Variants in DCDC1 observed in about 807,000 individuals in gnomAD.
DCDC1 encodes doublecortin domain containing 1, also known as doublecortin domain-containing protein 1.
A neutral mutation model predicts 178.3 loss-of-function variants in DCDC1; 200 were observed. The observed-to-expected ratio is 1.12, with a 90% CI of 1.00 to 1.26. The LOEUF is 1.26. DCDC1 is among the 50% of genes most tolerant of loss of function. The pLI is 0.00. For synonymous variants in DCDC1, 690 were observed against 604.8 expected (o/e 1.14, Z -2.07); for missense variants, 1,983 against 1,749.2 (o/e 1.13, Z -2.38).
chr11:31,333,471 C>T (rs1481799721), intron 2 of DCDC1, among the ~76,000 whole-genome samples: 1 of 152,158 alleles, frequency 6.6e-6, no homozygotes, highest in Admixed American at 6.5e-5. Flanking sequence ...TTCTTCCTAG[C>T]ATCAGTGGTC....
At chr11:30,920,339 A>T (rs1946156734) in intron 25 of DCDC1, among the ~76,000 whole-genome samples, 1 of 152,216 alleles carries the variant, frequency 6.6e-6, no homozygotes, top group South Asian at 2.1e-4. Flanking sequence ...AGTTTAACTT[A>T]GAGGGGAATT....
intron 1 of DCDC1, among the ~76,000 whole-genome samples, chr11:31,345,461 C>A (rs907575651): frequency 6.6e-6 from 1 of 152,074 alleles, no homozygotes. Flanking sequence ...TATTCACATG[C>A]ATCCTGTTGT....
chr11:31,298,684 T>G (rs1289447144), intron 6 of DCDC1, among the ~76,000 whole-genome samples: 1 of 152,230 alleles, frequency 6.6e-6, no homozygotes, highest in Non-Finnish European at 1.5e-5. Context: ...GCTTTTCTGT[T>G]AAAAGGTCTA....
intron 20 of DCDC1, among the ~76,000 whole-genome samples, chr11:30,954,414 C>G (rs1375044630): frequency 6.6e-6 from 1 of 152,078 alleles, no homozygotes; most frequent in Non-Finnish European, 1.5e-5. Context: ...TATATCTTTG[C>G]AGAACATGGG....
intron 20 of DCDC1, among the ~76,000 whole-genome samples, chr11:31,029,967 G>A (rs1187962800): frequency 3.3e-5 from 5 of 151,820 alleles, no homozygotes; most frequent in African/African-American, 1.2e-4. Context: ...CATGTAAGAT[G>A]ATAATTTTCA....
chr11:31,148,727 C>A (rs1293981953), intron 9 of DCDC1, among the ~76,000 whole-genome samples: 1 of 151,562 alleles, frequency 6.6e-6, no homozygotes, highest in Non-Finnish European at 1.5e-5. Flanking sequence ...TTCACGGTCT[C>A]TTTGATCCAG....
rs565275053 is a variant in DCDC1, at chr11:30,903,411, A to G, written c.4510+71T>C. On this transcript the variant is annotated intron_variant, in intron 32 of 38. Transcript: ENST00000684477. ...AATTCTGAAAAAACTGACTAAATGA[A>G]ATAATCATGTTTAACGTTTTCATGA... is the stretch of plus-strand genomic sequence containing the variant. 1,062 of 1,315,712 alleles carry G rather than the reference A, an allele frequency of 8.1e-4. 1 individual carries two copies. Among genetic ancestry groups the G allele is most frequent in the Middle Eastern group, 1.1e-3 (4 of 3,628 alleles). The allele number at this position is 1,315,712 out of a possible 1,614,324, so 81.5% of individuals were successfully genotyped here. A position where few individuals can be genotyped will look rare whatever the true frequency, so the allele number is the denominator to read the frequency against.
chr11:30,915,773 G>A, intron 26 of DCDC1, 62 bp from the exon 27 acceptor site: 1 of 1,515,510 alleles, frequency 6.6e-7, no homozygotes, highest in East Asian at 2.4e-5. Context: ...TCATGCACTT[G>A]ATGTGCTGGA....
At chr11:31,062,954 ACCCCACAACAGT>A (rs1956029695) in intron 20 of DCDC1, among the ~76,000 whole-genome samples, 1 of 61,992 alleles carries the variant, frequency 1.6e-5, no homozygotes, top group African/African-American at 6.5e-5. Context: ...CCCTCCCCCC[ACCCCACAACAGT>A]CCCCAGAGTG....
intron 20 of DCDC1, among the ~76,000 whole-genome samples, chr11:31,022,022 TC>T (rs1952908455): frequency 6.6e-6 from 1 of 152,278 alleles, no homozygotes; most frequent in South Asian, 2.1e-4. Context: ...ACTCATTCTT[TC>T]CCTTGCTAAT....
chr11:30,939,286 T>A (rs1947484533), intron 21 of DCDC1, among the ~76,000 whole-genome samples: 2 of 152,250 alleles, frequency 1.3e-5, no homozygotes, highest in South Asian at 4.1e-4. Context: ...GCCACCTAAA[T>A]TGGTTGGGAC....
intron 3 of DCDC1, among the ~76,000 whole-genome samples, chr11:31,311,017 T>G (rs991004715): frequency 6.6e-6 from 1 of 152,196 alleles, no homozygotes; most frequent in Non-Finnish European, 1.5e-5. Context: ...CTCTTCTTCA[T>G]ACATCATTAT....
intron 8 of DCDC1, among the ~76,000 whole-genome samples, chr11:31,257,195 T>A (rs2137036857): frequency 6.6e-6 from 1 of 152,292 alleles, no homozygotes; most frequent in African/African-American, 2.4e-5. Context: ...AAGCATTACA[T>A]CTGCTGCCTT....
At chr11:31,279,725 A>C (rs1428734443) in intron 7 of DCDC1, among the ~76,000 whole-genome samples, 1 of 152,048 alleles carries the variant, frequency 6.6e-6, no homozygotes, top group Admixed American at 6.6e-5. Flanking sequence ...ATCACACACC[A>C]CAGCCTGTCA....
intron 9 of DCDC1, among the ~76,000 whole-genome samples, chr11:31,193,983 C>G (rs75530740): frequency 2.6e-5 from 4 of 152,022 alleles, no homozygotes; most frequent in African/African-American, 9.7e-5. Context: ...GATTCGGGCC[C>G]GCTTTGACTA....
intron 20 of DCDC1, among the ~76,000 whole-genome samples, chr11:31,028,199 CA>C (rs1056720790): frequency 1.3e-5 from 2 of 151,782 alleles, no homozygotes; most frequent in African/African-American, 4.8e-5. Flanking sequence ...AAAAGCATCT[CA>C]AAATAAAACC....
chr11:30,986,975 G>A (rs1213984534), intron 20 of DCDC1, among the ~76,000 whole-genome samples: 4 of 151,948 alleles, frequency 2.6e-5, no homozygotes, highest in African/African-American at 4.8e-5. Context: ...AAAAGAAACC[G>A]AAAAAGTAGA....
At chr11:31,363,590 T>C (rs1564934438) in intron 1 of DCDC1, among the ~76,000 whole-genome samples, 1 of 152,144 alleles carries the variant, frequency 6.6e-6, no homozygotes, top group Non-Finnish European at 1.5e-5. Context: ...GGTGCCATAG[T>C]TAATATACAC....
chr11:31,141,893 T>C (rs1446743704), intron 9 of DCDC1, among the ~76,000 whole-genome samples: 1 of 152,244 alleles, frequency 6.6e-6, no homozygotes, highest in Non-Finnish European at 1.5e-5. Flanking sequence ...ATCAATCATT[T>C]GTCCAGACTG....
Sources: allele counts gnomAD v4.1 joint callset (sites outside exome capture counted in the v4.1 genomes callset), GRCh38; gene constraint gnomAD v4.1.1; transcripts MANE v1.5; gene names NCBI Gene and HGNC (gene_info 2026-07-23, HGNC 2026-07-21).